Variants in TPO observed in about 807,000 individuals in gnomAD.
TPO encodes thyroid microsomal antigen.
A neutral mutation model predicts 96.9 loss-of-function variants in TPO; 78 were observed. That is an observed-to-expected ratio of 0.81 (90% CI 0.67 to 0.97). TPO has a LOEUF of 0.97. Ranked by LOEUF, TPO falls within the 50% of genes least tolerant of loss-of-function variation. The pLI is 0.00. For synonymous variants in TPO, 547 were observed against 538.0 expected (o/e 1.02, Z -0.23); for missense variants, 1,252 against 1,274.8 (o/e 0.98, Z 0.27).
chr2:1,522,798 G>A (rs1406290009), intron 15 of TPO, among the ~76,000 whole-genome samples: 1 of 90,310 alleles, frequency 1.1e-5, no homozygotes, highest in Non-Finnish European at 2.1e-5. Context: ...CCACCACTGT[G>A]TGCAACCCCC....
At chr2:1,540,263 C>T (rs904997002) in intron 15 of TPO, among the ~76,000 whole-genome samples, 8 of 152,282 alleles carry the variant, frequency 5.3e-5, no homozygotes, top group African/African-American at 1.2e-4. Flanking sequence ...CATTTGGATG[C>T]GTCTCTTGGC....
intron 7 of TPO, among the ~76,000 whole-genome samples, chr2:1,469,014 C>T (rs1392591842): frequency 6.6e-6 from 1 of 152,174 alleles, no homozygotes; most frequent in African/African-American, 2.4e-5. Context: ...CTTTCCAGTA[C>T]ATTTTGAATT....
At chr2:1,530,126 C>T (rs4927629) in intron 15 of TPO, among the ~76,000 whole-genome samples, 44,946 of 89,690 alleles carry the variant, frequency 0.5, 11,032 homozygotes, top group South Asian at 0.63. Flanking sequence ...TCTCCCTATG[C>T]GCAACCTCGC....
intron 7 of TPO, among the ~76,000 whole-genome samples, chr2:1,461,628 G>T (rs904345133): frequency 3.3e-5 from 5 of 152,134 alleles, no homozygotes. Flanking sequence ...ACACTCACAG[G>T]CACAGGTGAC....
intron 7 of TPO, among the ~76,000 whole-genome samples, chr2:1,476,684 C>A (rs1321401006): frequency 6.6e-6 from 1 of 152,244 alleles, no homozygotes; most frequent in African/African-American, 2.4e-5. Flanking sequence ...AGGCCAAGAG[C>A]GTCTGAGCTT....
intron 15 of TPO, among the ~76,000 whole-genome samples, chr2:1,532,607 A>C (rs1356302476): frequency 9.9e-5 from 5 of 50,672 alleles, no homozygotes; most frequent in African/African-American, 4.0e-4. Context: ...CACAGTGTGC[A>C]ATCTCCACAA....
rs1369226120 is a variant in TPO at position 1,467,555 on chromosome 2, T to A, written c.820-9531T>A. Among the ~76,000 whole-genome samples the A allele has an allele frequency of 2.0e-5, 3 of 152,206 alleles. No individual in the cohort carries two copies. In the East Asian group the frequency reaches 5.8e-4, roughly 29 times the overall value. On this transcript the variant is annotated intron_variant, in intron 7 of 16. Coordinates refer to ENST00000329066, the MANE Select transcript of TPO (RefSeq NM_001206744.2). ...TTTCACTGTGGTCTGAGAGAGTGCT[T>A]GATATAATTTCAATTTTCTTAAATT...
chr2:1,424,112 G>A (rs866422104), intron 3 of TPO, among the ~76,000 whole-genome samples: 22 of 152,194 alleles, frequency 1.4e-4, no homozygotes, highest in Admixed American at 3.3e-4. Context: ...ATGTGCCCAA[G>A]ATGGCTGGGG....
intron 3 of TPO, among the ~76,000 whole-genome samples, chr2:1,424,434 C>G (rs1664111469): frequency 6.6e-6 from 1 of 152,168 alleles, no homozygotes; most frequent in Non-Finnish European, 1.5e-5. Context: ...TGACCTGACC[C>G]AGCTTTTCAG....
intron 8 of TPO, among the ~76,000 whole-genome samples, chr2:1,479,359 A>G (rs1211011277): frequency 6.6e-6 from 1 of 152,236 alleles, no homozygotes; most frequent in African/African-American, 2.4e-5. Flanking sequence ...ACAATTTGCC[A>G]GGTTGCTTCA....
intron 15 of TPO, among the ~76,000 whole-genome samples, chr2:1,524,894 C>A (rs1226436439): frequency 3.2e-5 from 4 of 125,766 alleles, no homozygotes; most frequent in African/African-American, 1.2e-4. Context: ...ATTGCCCGCA[C>A]TGTACAACCT....
chr2:1,419,331 T>C (rs1216479939), intron 2 of TPO, among the ~76,000 whole-genome samples: 1 of 151,996 alleles, frequency 6.6e-6, no homozygotes, highest in Non-Finnish European at 1.5e-5. Flanking sequence ...TTCCCTGGGA[T>C]TGCTGGGAAC....
chr2:1,497,131 G>A (rs544722779), intron 13 of TPO, among the ~76,000 whole-genome samples: 12 of 152,292 alleles, frequency 7.9e-5, no homozygotes, highest in African/African-American at 2.2e-4. Context: ...AGTAAGGCTC[G>A]CCTCCACCTC....
intron 11 of TPO, 67 bp downstream of exon 11, chr2:1,494,106 G>A: frequency 2.0e-6 from 3 of 1,505,926 alleles, no homozygotes; most frequent in Non-Finnish European, 2.8e-6. Flanking sequence ...CGTTGGTTCT[G>A]AAGCCAGCCA....
At chr2:1,508,144 A>G (rs1163314164) in intron 14 of TPO, among the ~76,000 whole-genome samples, 1 of 152,018 alleles carries the variant, frequency 6.6e-6, no homozygotes, top group African/African-American at 2.4e-5. Context: ...TGAGATAATC[A>G]TGTGGTTTTT....
At position 1,453,808 on chromosome 2, in the gene TPO, G is replaced by C. The variant is rs199943156; in HGVS notation, c.597G>C (p.Gly199=). Residue 199 remains glycine, a synonymous_variant, in exon 6 of 17, where the codon GGG becomes GGC. Coordinates refer to ENST00000329066, the MANE Select transcript of TPO (RefSeq NM_001206744.2). ...RGWNPGFLYN[G]FPLPPVREVT... is the part of the protein sequence containing the mutation. Reference sequence around the variant, plus strand: ...GGAACCCCGGCTTCTTGTACAACGGGTTCCCACTGCCCCCGGTGGGTACTC... The same window carrying C: ...GGAACCCCGGCTTCTTGTACAACGGCTTCCCACTGCCCCCGGTGGGTACTC... 39 of 1,613,686 alleles carry C rather than the reference G, an allele frequency of 2.4e-5. No individual in the cohort carries two copies. Among genetic ancestry groups the C allele is most frequent in the Non-Finnish European group, 2.9e-5 (34 of 1,180,054 alleles).
intron 8 of TPO, among the ~76,000 whole-genome samples, chr2:1,478,618 G>A (rs1670221139): frequency 6.6e-6 from 1 of 152,238 alleles, no homozygotes; most frequent in Non-Finnish European, 1.5e-5. Flanking sequence ...GGTGGCGAGG[G>A]GACCTGGAGC....
At chr2:1,448,261 G>C (rs1666998207) in intron 5 of TPO, among the ~76,000 whole-genome samples, 1 of 152,190 alleles carries the variant, frequency 6.6e-6, no homozygotes, top group South Asian at 2.1e-4. Context: ...CCGAGCCTGT[G>C]GTCTGCATCT....
Position 1,542,596 on chromosome 2 carries a change from T to G in TPO, c.*122T>G. The G allele has an allele frequency of 6.4e-7, 1 of 1,558,744 alleles. No homozygotes were observed. The highest frequency in any genetic ancestry group is 8.7e-7 in the Non-Finnish European group (1 of 1,150,404). On this transcript the variant is annotated 3_prime_UTR_variant, in exon 17 of 17. Transcript: ENST00000329066. ...ACTGTTTTCCCAACACGGGTAAATC[T>G]AGTACCATGTCGTAGTTACTCTCAG...
Sources: gnomAD v4.1 joint callset for allele counts (sites outside exome capture counted in the v4.1 genomes callset) on GRCh38, gnomAD v4.1.1 for gene constraint, MANE v1.5 for transcripts, NCBI Gene and HGNC (gene_info 2026-07-23, HGNC 2026-07-21) for gene names.